GALNT17: variants seen among roughly 807,000 people sequenced by gnomAD.
The protein encoded by GALNT17 is polypeptide N-acetylgalactosaminyltransferase 17.
GALNT17 carries 29 observed loss-of-function variants against 63.7 expected under a neutral mutation model. The ratio of observed to expected loss-of-function variants is 0.46; its 90% CI spans 0.34 to 0.62. The LOEUF (loss-of-function observed/expected upper bound fraction) is 0.62. Ranked by LOEUF, GALNT17 falls within the 20% of genes least tolerant of loss-of-function variation. The pLI, the probability that GALNT17 is intolerant of heterozygous loss-of-function variation, is 0.01. For synonymous variants in GALNT17, 305 were observed against 318.3 expected, an observed-to-expected ratio of 0.96 and a Z score of 0.45; for missense variants, 603 against 799.6, an observed-to-expected ratio of 0.75 and a Z score of 2.97.
intron 1 of GALNT17, among the ~76,000 whole-genome samples, chr7:71,165,524 T>C (rs894592913): frequency 1.3e-5 from 2 of 152,030 alleles, no homozygotes; most frequent in Non-Finnish European, 2.9e-5. Flanking sequence ...AATCACCAGA[T>C]CTTGTGAGAT....
At chr7:71,576,552 T>TGTGG (rs1789540561) in intron 6 of GALNT17, among the ~76,000 whole-genome samples, 1 of 151,662 alleles carries the variant, frequency 6.6e-6, no homozygotes, top group Non-Finnish European at 1.5e-5. Context: ...TGTGTGTGTG[T>TGTGG]GTGTGTGTGT....
chr7:71,383,808 G>A (rs756014413), intron 2 of GALNT17, among the ~76,000 whole-genome samples: 1 of 152,056 alleles, frequency 6.6e-6, no homozygotes, highest in Non-Finnish European at 1.5e-5. Context: ...CAGAACCTGT[G>A]GATTAGAAAG....
At chr7:71,144,255 A>G (rs1480834493) in intron 1 of GALNT17, among the ~76,000 whole-genome samples, 1 of 151,998 alleles carries the variant, frequency 6.6e-6, no homozygotes. Context: ...CTCCTCGAGT[A>G]TCCTTACCTC....
intron 5 of GALNT17, among the ~76,000 whole-genome samples, chr7:71,497,424 C>G (rs1788114193): frequency 1.3e-5 from 2 of 152,200 alleles, no homozygotes; most frequent in African/African-American, 4.8e-5. Context: ...TGGGGCCTCA[C>G]AGTCTTTCCT....
intron 1 of GALNT17, among the ~76,000 whole-genome samples, chr7:71,250,947 G>A (rs1179670976): frequency 6.6e-6 from 1 of 152,216 alleles, no homozygotes; most frequent in Non-Finnish European, 1.5e-5. Context: ...GCCAGATTAT[G>A]TTTTTGTGTA....
intron 5 of GALNT17, among the ~76,000 whole-genome samples, chr7:71,488,889 CTTTTTTTTTTTTT>C (rs369124996): frequency 7.1e-4 from 39 of 54,738 alleles, no homozygotes; most frequent in African/African-American, 2.6e-3. Context: ...GCCAGGTTTC[CTTTTTTTTTTTTT>C]TTTTTTTTTT....
intron 5 of GALNT17, among the ~76,000 whole-genome samples, chr7:71,565,238 G>T (rs1254748371): frequency 6.6e-6 from 1 of 151,342 alleles, no homozygotes; most frequent in African/African-American, 2.4e-5. Flanking sequence ...CTGCACCCTA[G>T]CCTAAGCAAC....
chr7:71,672,387 T>C (rs567771392), intron 8 of GALNT17, among the ~76,000 whole-genome samples: 1 of 152,244 alleles, frequency 6.6e-6, no homozygotes, highest in African/African-American at 2.4e-5. Context: ...TTTCTAAGAA[T>C]GAAATCCACG....
At chr7:71,488,362 C>T (rs558342907) in intron 5 of GALNT17, among the ~76,000 whole-genome samples, 29 of 152,106 alleles carry the variant, frequency 1.9e-4, no homozygotes, top group African/African-American at 6.7e-4. Flanking sequence ...CGTAGTCCTT[C>T]CAGTCTTTGC....
At chr7:71,569,641 T>G (rs774790113) in intron 5 of GALNT17, among the ~76,000 whole-genome samples, 12 of 152,208 alleles carry the variant, frequency 7.9e-5, no homozygotes, top group Non-Finnish European at 1.3e-4. Flanking sequence ...TGGACTGAAC[T>G]CTGGGGAACA....
chr7:71,706,014 G>C lies in GALNT17; in HGVS notation c.1501-4747G>C, dbSNP rs1388907747. On this transcript the variant is annotated intron_variant, in intron 9 of 10. Coordinates refer to ENST00000333538, the MANE Select transcript of GALNT17 (RefSeq NM_022479.3). Reference sequence around the variant, plus strand: ...TGGGGCAAACTTTGGACATTTGGTTGACAGCAGATCCAAGGGTTCGCTACC... The same window carrying C: ...TGGGGCAAACTTTGGACATTTGGTTCACAGCAGATCCAAGGGTTCGCTACC... Among the ~76,000 whole-genome samples the C allele has an allele frequency of 2.0e-5, 3 of 152,180 alleles. No individual in the cohort carries two copies. The East Asian group carries it at 5.8e-4, about 29-fold the overall frequency.
At position 71,563,303 on chromosome 7, in the gene GALNT17, G is replaced by A. The variant is rs191165447; in HGVS notation, c.963-7982G>A. Reference sequence around the variant, plus strand: ...CAGCCCGCAAGTGGTATCAACTGCAGCTTCCACAGCTGGGTAGGTGGTGGG... The same window carrying A: ...CAGCCCGCAAGTGGTATCAACTGCAACTTCCACAGCTGGGTAGGTGGTGGG... On this transcript the variant is annotated intron_variant, in intron 5 of 10. Transcript: ENST00000333538. Among the ~76,000 whole-genome samples the A allele has an allele frequency of 1.5e-3, 234 of 152,324 alleles. 3 individuals are homozygous for A. Among genetic ancestry groups the A allele is most frequent in the Non-Finnish European group, 5.1e-4 (35 of 68,032 alleles).
intron 5 of GALNT17, among the ~76,000 whole-genome samples, chr7:71,545,216 A>T (rs1457592084): frequency 1.3e-5 from 2 of 152,144 alleles, no homozygotes; most frequent in Non-Finnish European, 2.9e-5. Context: ...TAAGCTCTAA[A>T]GACTCTTCAT....
chr7:71,531,186 T>C (rs2116780070), intron 5 of GALNT17, among the ~76,000 whole-genome samples: 1 of 152,202 alleles, frequency 6.6e-6, no homozygotes, highest in South Asian at 2.1e-4. Flanking sequence ...CTCACAAAAC[T>C]AACACCACAA....
chr7:71,343,859 T>A (rs370344098), intron 2 of GALNT17, among the ~76,000 whole-genome samples: 2 of 152,186 alleles, frequency 1.3e-5, no homozygotes, highest in South Asian at 2.1e-4. Context: ...TTACATTTTA[T>A]GCTTTTTGTA....
intron 1 of GALNT17, among the ~76,000 whole-genome samples, chr7:71,235,594 T>C (rs957881891): frequency 2.6e-5 from 4 of 152,124 alleles, no homozygotes; most frequent in African/African-American, 9.7e-5. Flanking sequence ...AAATAAAACG[T>C]CATCAGATAT....
intron 5 of GALNT17, among the ~76,000 whole-genome samples, chr7:71,529,344 A>G (rs752926641): frequency 6.6e-6 from 1 of 152,018 alleles, no homozygotes; most frequent in Non-Finnish European, 1.5e-5. Context: ...TAGGTACCAA[A>G]TGGTAGCTTC....
intron 1 of GALNT17, among the ~76,000 whole-genome samples, chr7:71,166,663 C>T (rs112642394): frequency 9.9e-4 from 151 of 152,254 alleles, no homozygotes; most frequent in African/African-American, 3.5e-3. Flanking sequence ...GTGTATCCAT[C>T]GTTTATTTAC....
At chr7:71,498,231 T>C (rs1385209811) in intron 5 of GALNT17, among the ~76,000 whole-genome samples, 1 of 152,140 alleles carries the variant, frequency 6.6e-6, no homozygotes, top group Non-Finnish European at 1.5e-5. Context: ...ATCCCAGCAC[T>C]TTGGTAGGCT....
Sources: allele counts gnomAD v4.1 joint callset (sites outside exome capture counted in the v4.1 genomes callset), GRCh38; gene constraint gnomAD v4.1.1; transcripts MANE v1.5; gene names NCBI Gene and HGNC (gene_info 2026-07-23, HGNC 2026-07-21).